MRTFB: variants seen among roughly 807,000 people sequenced by gnomAD.
The protein encoded by MRTFB is myocardin related transcription factor B.
A neutral mutation model predicts 104.2 loss-of-function variants in MRTFB; 29 were observed. The ratio of observed to expected loss-of-function variants is 0.28; its 90% CI spans 0.21 to 0.38. MRTFB has a LOEUF of 0.38. MRTFB is among the 10% of genes least tolerant of loss of function. MRTFB has a pLI of 1.00. For synonymous variants in MRTFB, 535 were observed against 519.5 expected, an observed-to-expected ratio of 1.03 and a Z score of -0.41; for missense variants, 1,270 against 1,341.6, an observed-to-expected ratio of 0.95 and a Z score of 0.83.
chr16:14,115,762 G>A (rs2036512673), intron 2 of MRTFB, among the ~76,000 whole-genome samples: 1 of 152,154 alleles, frequency 6.6e-6, no homozygotes, highest in Non-Finnish European at 1.5e-5. Context: ...GGCCACAGGT[G>A]AATTATGAAA....
chr16:14,056,613 T>G, the MRTFB span, among the ~76,000 whole-genome samples: 1 of 152,308 alleles, frequency 6.6e-6, no homozygotes, highest in South Asian at 2.1e-4. Context: ...GGTCTCTCTT[T>G]TTTTGGAGAA....
chr16:14,243,864 G>GTTTTTTTTTTTTTTTT lies in MRTFB; in HGVS notation c.1080-1651_1080-1650insTTTTTTTTTTTTTTTT, dbSNP rs56296807. ...CAGAGATTAGTTTTGCCTGTTTTGG[G>GTTTTTTTTTTTTTTTT]TTTTTTTTTTTTTGAGACAGAGTCT... On this transcript the variant is annotated intron_variant, in intron 10 of 16. Coordinates refer to ENST00000571589, the MANE Select transcript of MRTFB (RefSeq NM_001308142.2). Among the ~76,000 whole-genome samples the GTTTTTTTTTTTTTTTT allele has an allele frequency of 7.2e-3, 894 of 124,406 alleles. 72 individuals carry two copies. Among genetic ancestry groups the GTTTTTTTTTTTTTTTT allele is most frequent in the African/African-American group, 0.026 (687 of 26,304 alleles). The allele number at this position is 124,406 out of a possible 152,430, so 81.6% of individuals were successfully genotyped here. A position where few individuals can be genotyped will look rare whatever the true frequency, so the allele number is the denominator to read the frequency against.
chr16:14,079,239 G>A lies in MRTFB; in HGVS notation c.-128-51G>A, dbSNP rs184005648. 58 of 334,824 alleles carry A rather than the reference G, an allele frequency of 1.7e-4. No homozygotes were observed. The South Asian group carries it at 1.8e-3, about 10-fold the overall frequency. The allele number at this position is 334,824 out of a possible 1,614,324, so 20.7% of individuals were successfully genotyped here. On this transcript the variant is annotated intron_variant, in intron 1 of 16. Transcript: ENST00000571589. ...TTCTCCAAGAGACACAACCTTGTCTGGCATGTAGTAGGTGCTCAATAAAAA... is the reference window on the plus strand; with the variant it reads ...TTCTCCAAGAGACACAACCTTGTCTAGCATGTAGTAGGTGCTCAATAAAAA...
chr16:14,112,868 C>A (rs1194167604), intron 2 of MRTFB, among the ~76,000 whole-genome samples: 1 of 152,098 alleles, frequency 6.6e-6, no homozygotes, highest in African/African-American at 2.4e-5. Context: ...CTCTGGACAC[C>A]CTATCTGAAA....
intron 2 of MRTFB, among the ~76,000 whole-genome samples, chr16:14,090,605 T>G (rs1036272203): frequency 3.3e-5 from 5 of 152,054 alleles, no homozygotes; most frequent in Non-Finnish European, 1.5e-5. Flanking sequence ...GTCTCCTCTT[T>G]CGGGTGAGAA....
intron 3 of MRTFB, among the ~76,000 whole-genome samples, chr16:14,174,353 C>T (rs2039515313): frequency 6.6e-6 from 1 of 152,138 alleles, no homozygotes; most frequent in Non-Finnish European, 1.5e-5. Flanking sequence ...CATACTGTTA[C>T]AGCTTCATTT....
intron 2 of MRTFB, among the ~76,000 whole-genome samples, chr16:14,120,473 C>T (rs996137477): frequency 6.6e-6 from 1 of 152,046 alleles, no homozygotes; most frequent in African/African-American, 2.4e-5. Context: ...TCTGTGTGTG[C>T]ATATAAGATA....
At chr16:14,200,074 C>T (rs1311388839) in intron 3 of MRTFB, 2 of 528,514 alleles carry the variant, frequency 3.8e-6, no homozygotes, top group Non-Finnish European at 6.7e-6. Context: ...ATTGGCACAA[C>T]CATTTGGAAG....
At chr16:14,092,732 A>G (rs1480549067) in intron 2 of MRTFB, 3 of 152,238 alleles carry the variant, frequency 2.0e-5, no homozygotes, top group Non-Finnish European at 4.4e-5. Flanking sequence ...TCACTCCTGT[A>G]AACTCTCACA....
At chr16:14,125,921 T>G (rs796563006) in intron 2 of MRTFB, among the ~76,000 whole-genome samples, 12 of 152,328 alleles carry the variant, frequency 7.9e-5, no homozygotes, top group African/African-American at 2.9e-4. Flanking sequence ...CTCCCTTTCC[T>G]TAGTTTAGTC....
At chr16:14,234,373 A>C in intron 9 of MRTFB, 90 bp downstream of exon 9, 2 of 1,447,042 alleles carry the variant, frequency 1.4e-6, no homozygotes, top group Non-Finnish European at 1.9e-6. Flanking sequence ...CATTTATCCA[A>C]CTTGCTCAGC....
intron 2 of MRTFB, among the ~76,000 whole-genome samples, chr16:14,104,605 C>T (rs565453672): frequency 8.7e-4 from 132 of 152,204 alleles, no homozygotes; most frequent in Non-Finnish European, 1.5e-3. Flanking sequence ...AAAAAGTACC[C>T]CATTTGTCAT....
At chr16:14,139,090 A>G (rs79844548) in intron 2 of MRTFB, among the ~76,000 whole-genome samples, 6,419 of 152,298 alleles carry the variant, frequency 0.042, 477 homozygotes, top group African/African-American at 0.15. Flanking sequence ...GATTTCATCA[A>G]ATTAAAAATA....
intron 9 of MRTFB, among the ~76,000 whole-genome samples, chr16:14,235,452 G>A (rs76718437): frequency 3.3e-5 from 5 of 152,090 alleles, no homozygotes; most frequent in Non-Finnish European, 7.3e-5. Context: ...CTTCCCTGCC[G>A]ATCCTCAAAC....
At position 14,217,190 on chromosome 16, in the gene MRTFB, T is replaced by A. The variant is rs1445581228; in HGVS notation, c.417T>A (p.Asp139Glu). The A allele has an allele frequency of 6.2e-7, 1 of 1,613,952 alleles. No individual in the cohort carries two copies. The highest frequency in any genetic ancestry group is 1.1e-5 in the South Asian group (1 of 91,016). The change falls in exon 7 of 17, where the codon GAT (aspartate) becomes GAA (glutamate). Residue 139 changes from aspartate (D) to glutamate (E), a missense_variant. This residue lies in a region of MRTFB where 64 missense variants were observed against 152.9 expected (regional missense o/e 0.42). Transcript: ENST00000571589. Reference sequence around the variant, plus strand: ...AGTTGAAAAGAGCTCGACTAGCAGATGATCTGAATGAAAAGATTGCTCAAA... The same window carrying A: ...AGTTGAAAAGAGCTCGACTAGCAGAAGATCTGAATGAAAAGATTGCTCAAA... ...QMKLKRARLA[D>E]DLNEKIAQRP...
At chr16:14,111,114 T>G (rs559948892) in intron 2 of MRTFB, among the ~76,000 whole-genome samples, 1 of 152,350 alleles carries the variant, frequency 6.6e-6, no homozygotes, top group African/African-American at 2.4e-5. Context: ...CTTTGTTTCT[T>G]TCCCCTAAAT....
At chr16:14,068,826 A>C (rs2033547558), upstream of MRTFB, among the ~76,000 whole-genome samples, 1 of 152,140 alleles carries the variant, frequency 6.6e-6, no homozygotes, top group South Asian at 2.1e-4. Context: ...GTGACTGAGT[A>C]AGGAAGATCT....
intron 8 of MRTFB, among the ~76,000 whole-genome samples, chr16:14,232,468 T>C (rs538615548): frequency 1.3e-5 from 2 of 152,314 alleles, no homozygotes; most frequent in East Asian, 3.9e-4. Context: ...CGGGCAGAAG[T>C]CTGCTGGAAC....
At chr16:13,998,009 C>T in the MRTFB span, among the ~76,000 whole-genome samples, 1 of 152,190 alleles carries the variant, frequency 6.6e-6, no homozygotes, top group African/African-American at 2.4e-5. Flanking sequence ...TCAGAGACCT[C>T]TCAGAGAGCG....
Sources: gnomAD v4.1 joint callset for allele counts (sites outside exome capture counted in the v4.1 genomes callset) on GRCh38, gnomAD v4.1.1 for gene constraint, gnomAD v4.1.1 regional missense constraint, MANE v1.5 for transcripts, NCBI Gene and HGNC (gene_info 2026-07-23, HGNC 2026-07-21) for gene names.